The following PTK2 variants were observed in gnomAD, a reference collection of about 807,000 sequenced individuals.
PTK2 encodes the protein protein tyrosine kinase 2.
In PTK2, 45 loss-of-function variants were observed where a neutral mutation model predicts 150.1. The ratio of observed to expected loss-of-function variants is 0.30; its 90% CI spans 0.24 to 0.38. The LOEUF is 0.38. Among genes scored for constraint, PTK2 ranks in the 10% least tolerant of loss-of-function variants. PTK2 has a pLI of 1.00. For synonymous variants in PTK2, 432 were observed against 449.2 expected (o/e 0.96, Z 0.48); for missense variants, 919 against 1,307.3 (o/e 0.70, Z 4.58).
intron 1 of PTK2, among the ~76,000 whole-genome samples, chr8:140,944,951 T>C (rs972308881): frequency 6.6e-6 from 1 of 152,214 alleles, no homozygotes; most frequent in African/African-American, 2.4e-5. Context: ...TTTCTCTATA[T>C]AGCTACGCCA....
intron 2 of PTK2, among the ~76,000 whole-genome samples, chr8:140,896,502 C>G (rs1224653167): frequency 6.6e-6 from 1 of 152,090 alleles, no homozygotes; most frequent in Non-Finnish European, 1.5e-5. Context: ...TGTAATTCAC[C>G]ACATTTTCAG....
At chr8:140,764,201 T>A (rs761512696) in intron 15 of PTK2, 33 bp downstream of exon 17, 1 of 1,567,276 alleles carries the variant, frequency 6.4e-7, no homozygotes, top group Non-Finnish European at 8.8e-7. Flanking sequence ...ATCTGTCAAG[T>A]CTGAGCAAGA....
chr8:140,805,283 G>A (rs116622992), intron 10 of PTK2, among the ~76,000 whole-genome samples: 2,420 of 152,180 alleles, frequency 0.016, 64 homozygotes, highest in African/African-American at 0.054. Context: ...ATATTTGGCC[G>A]GGTGTGGTGG....
chr8:140,667,821 C>T (rs2093249484), intron 30 of PTK2, among the ~76,000 whole-genome samples: 1 of 152,202 alleles, frequency 6.6e-6, no homozygotes, highest in Non-Finnish European at 1.5e-5. Context: ...CTCCTCCTTA[C>T]AGGTGCGGGA....
intron 7 of PTK2, among the ~76,000 whole-genome samples, chr8:140,844,281 A>C (rs1043853205): frequency 1.3e-5 from 2 of 152,072 alleles, no homozygotes; most frequent in Non-Finnish European, 2.9e-5. Flanking sequence ...CTTTTTCCCC[A>C]CACTTCCTTT....
chr8:140,743,773 T>TTC (rs2100057100), intron 19 of PTK2, among the ~76,000 whole-genome samples: 2 of 151,550 alleles, frequency 1.3e-5, no homozygotes. Flanking sequence ...TGCTTAGTTT[T>TTC]TCTTTTCTTT....
chr8:140,955,494 T>C (rs2100180909), intron 1 of PTK2, among the ~76,000 whole-genome samples: 1 of 152,240 alleles, frequency 6.6e-6, no homozygotes, highest in Non-Finnish European at 1.5e-5. Context: ...CCCAAGTATG[T>C]CTTTATTAGC....
Position 140,686,560 on chromosome 8 carries a change from T to G in PTK2, c.2562+72A>C, listed in dbSNP as rs971822473. The G allele has an allele frequency of 8.6e-6, 10 of 1,158,888 alleles. No individual in the cohort carries two copies. In the Admixed American group the frequency reaches 1.9e-4, roughly 21 times the overall value. 71.8% of individuals were successfully genotyped at this position (1,158,888 alleles called of 1,614,324 possible). ...ACAAATATTAGTAAACTTGGATATATTGTGACATAAACACTGATGGTCCAC... is the reference window on the plus strand; with the variant it reads ...ACAAATATTAGTAAACTTGGATATAGTGTGACATAAACACTGATGGTCCAC... On this transcript the variant is annotated intron_variant, in intron 27 of 31. Transcript: ENST00000522684.
At chr8:140,808,733 G>GTTTTTTTTTTT (rs57600032) in intron 10 of PTK2, among the ~76,000 whole-genome samples, 1 of 116,574 alleles carries the variant, frequency 8.6e-6, no homozygotes, top group African/African-American at 3.4e-5. Flanking sequence ...TTTTGTTCTT[G>GTTTTTTTTTTT]TTTTTTTTTT....
intron 1 of PTK2, among the ~76,000 whole-genome samples, chr8:140,988,139 C>T (rs2100194064): frequency 6.6e-6 from 1 of 151,856 alleles, no homozygotes. Flanking sequence ...TGAAAGTCTA[C>T]ACCCATACAA....
chr8:140,701,324 CTA>C (rs1459054092), intron 25 of PTK2, among the ~76,000 whole-genome samples: 1 of 152,050 alleles, frequency 6.6e-6, no homozygotes, highest in Non-Finnish European at 1.5e-5. Context: ...TAGAAACAAT[CTA>C]GAAGTAATAG....
intron 1 of PTK2, among the ~76,000 whole-genome samples, chr8:140,986,501 C>A (rs1319515138): frequency 2.6e-5 from 4 of 152,106 alleles, no homozygotes; most frequent in African/African-American, 7.2e-5. Flanking sequence ...AAGAGATAAG[C>A]ACAGAAACTA....
intron 12 of PTK2, among the ~76,000 whole-genome samples, chr8:140,794,297 C>T (rs1051289124): frequency 1.3e-5 from 2 of 152,204 alleles, no homozygotes; most frequent in African/African-American, 4.8e-5. Context: ...CTTCTCTCAG[C>T]ACACAAACAC....
rs569881194 is a variant in PTK2, at chr8:140,950,176, C to T, written c.-121-24427G>A. Among the ~76,000 whole-genome samples the T allele has an allele frequency of 2.0e-5, 3 of 152,286 alleles. No individual in the cohort carries two copies. In the South Asian group the frequency reaches 6.2e-4, roughly 32 times the overall value. ...ATTCTTCCTGGACACTGGATAAGAA[C>T]TCGAGACCTGCCAAATGCAGGGACT... On this transcript the variant is annotated intron_variant, in intron 1 of 31. Transcript: ENST00000522684.
chr8:140,807,972 T>C (rs1284809996), intron 10 of PTK2, among the ~76,000 whole-genome samples: 1 of 152,028 alleles, frequency 6.6e-6, no homozygotes, highest in African/African-American at 2.4e-5. Context: ...AGTGTAATGG[T>C]AGTAGGCAGG....
intron 23 of PTK2, among the ~76,000 whole-genome samples, chr8:140,707,779 A>C (rs2100034640): frequency 6.6e-6 from 1 of 152,250 alleles, no homozygotes; most frequent in South Asian, 2.1e-4. Context: ...AGTATCATTA[A>C]TAACAAAATG....
chr8:140,868,962 T>C (rs761130774), intron 4 of PTK2, among the ~76,000 whole-genome samples: 15 of 152,196 alleles, frequency 9.9e-5, no homozygotes, highest in Non-Finnish European at 1.9e-4. Flanking sequence ...TTACTAGCTA[T>C]ATTATTTAAG....
At chr8:140,785,545 C>T (rs1467710959) in intron 14 of PTK2, among the ~76,000 whole-genome samples, 5 of 152,014 alleles carry the variant, frequency 3.3e-5, no homozygotes, top group Non-Finnish European at 4.4e-5. Flanking sequence ...ACATATGAAC[C>T]CAGACTTGGG....
intron 2 of PTK2, among the ~76,000 whole-genome samples, chr8:140,916,779 T>A (rs1430635867): frequency 6.6e-6 from 1 of 152,214 alleles, no homozygotes; most frequent in East Asian, 1.9e-4. Flanking sequence ...GGCATATTGA[T>A]TAAGAATACA....
Sources: gnomAD v4.1 joint callset for allele counts (sites outside exome capture counted in the v4.1 genomes callset) on GRCh38, gnomAD v4.1.1 for gene constraint, MANE v1.5 for transcripts, NCBI Gene and HGNC (gene_info 2026-07-23, HGNC 2026-07-21) for gene names.